TIAM1: variants seen among roughly 807,000 people sequenced by gnomAD.
The protein encoded by TIAM1 is rho guanine nucleotide exchange factor TIAM1.
TIAM1 carries 65 observed loss-of-function variants against 163.5 expected under a neutral mutation model. The observed-to-expected ratio is 0.40, with a 90% CI of 0.33 to 0.49. The LOEUF is 0.49. Among genes scored for constraint, TIAM1 ranks in the 20% least tolerant of loss-of-function variants. The pLI is 0.77. For missense variants in TIAM1, 1,789 were observed against 2,044.7 expected (o/e 0.87, Z 2.41); for synonymous variants, 833 against 810.1 (o/e 1.03, Z -0.48).
intron 2 of TIAM1, among the ~76,000 whole-genome samples, chr21:31,388,820 A>G (rs888573496): frequency 1.3e-5 from 2 of 152,274 alleles, no homozygotes; most frequent in Admixed American, 1.3e-4. Context: ...AAATTAAAAT[A>G]GTAAGCACTC....
chr21:31,515,750 C>T (rs2047358754), intron 1 of TIAM1, among the ~76,000 whole-genome samples: 1 of 152,064 alleles, frequency 6.6e-6, no homozygotes, highest in African/African-American at 2.4e-5. Context: ...TTCCATGGAG[C>T]AAGTGATTTG....
chr21:31,310,690 C>T, intron 2 of TIAM1, among the ~76,000 whole-genome samples: 1 of 152,162 alleles, frequency 6.6e-6, no homozygotes, highest in Non-Finnish European at 1.5e-5. Context: ...ATGGAAAACG[C>T]TACCTACTGC....
intron 14 of TIAM1, 63 bp from the exon 15 acceptor site, chr21:31,182,708 AG>A (rs1230035201): frequency 6.6e-7 from 1 of 1,523,900 alleles, no homozygotes; most frequent in Non-Finnish European, 8.9e-7. Context: ...ACAGCTTAGG[AG>A]CTCTGCTATA....
chr21:31,130,123 G>T, intron 25 of TIAM1, 90 bp downstream of exon 25: 318 of 831,104 alleles, frequency 3.8e-4, no homozygotes, highest in Non-Finnish European at 5.4e-4. Flanking sequence ...GACGGTAGAA[G>T]AGTTAGACCA....
intron 8 of TIAM1, 132 bp from the exon 9 acceptor site, chr21:31,217,831 C>T: frequency 2.0e-6 from 2 of 1,025,438 alleles, no homozygotes; most frequent in Non-Finnish European, 2.8e-6. Context: ...ACCCCAATGC[C>T]TAAAGTATTC....
At chr21:31,543,567 G>C (rs903458408) in intron 1 of TIAM1, among the ~76,000 whole-genome samples, 1 of 152,204 alleles carries the variant, frequency 6.6e-6, no homozygotes, top group Non-Finnish European at 1.5e-5. Context: ...GGAGGAAGCA[G>C]AACATCGAGG....
chr21:31,292,152 C>T (rs555742307), intron 2 of TIAM1, among the ~76,000 whole-genome samples: 3 of 152,278 alleles, frequency 2.0e-5, no homozygotes, highest in African/African-American at 7.2e-5. Context: ...AAACAGGATA[C>T]CTGCCTGCAG....
intron 2 of TIAM1, among the ~76,000 whole-genome samples, chr21:31,379,400 A>G (rs928414995): frequency 6.6e-6 from 1 of 152,196 alleles, no homozygotes; most frequent in African/African-American, 2.4e-5. Flanking sequence ...AATAACATCA[A>G]TGAATAATTT....
chr21:31,525,476 C>T (rs961724619), intron 1 of TIAM1, among the ~76,000 whole-genome samples: 13 of 152,020 alleles, frequency 8.6e-5, no homozygotes, highest in Admixed American at 7.9e-4. Context: ...AAGACCCAAA[C>T]ACCTCTCACT....
chr21:31,340,482 G>A (rs2075979997), intron 1 of TIAM1, among the ~76,000 whole-genome samples: 1 of 152,128 alleles, frequency 6.6e-6, no homozygotes. Flanking sequence ...GCACGAAACT[G>A]CTATGGCAGT....
intron 2 of TIAM1, among the ~76,000 whole-genome samples, chr21:31,400,874 T>A (rs1312937327): frequency 1.3e-5 from 2 of 151,714 alleles, no homozygotes; most frequent in Admixed American, 6.6e-5. Flanking sequence ...GTGGATCACC[T>A]GAGGTCGGCA....
chr21:31,376,522 T>A (rs1431950794), intron 2 of TIAM1, among the ~76,000 whole-genome samples: 1 of 152,192 alleles, frequency 6.6e-6, no homozygotes, highest in Non-Finnish European at 1.5e-5. Flanking sequence ...GGCACGAGAT[T>A]TCCCTAATTG....
At chr21:31,388,607 A>G (rs1429124664) in intron 2 of TIAM1, among the ~76,000 whole-genome samples, 1 of 152,188 alleles carries the variant, frequency 6.6e-6, no homozygotes, top group Non-Finnish European at 1.5e-5. Flanking sequence ...ACAGTAAGCC[A>G]TGATCATGCC....
chr21:31,459,303 T>G (rs1374510491), intron 2 of TIAM1, among the ~76,000 whole-genome samples: 1 of 152,048 alleles, frequency 6.6e-6, no homozygotes, highest in Non-Finnish European at 1.5e-5. Context: ...TCATAGAGAT[T>G]GTCTGGCTAT....
chr21:31,198,758 T>C (rs746476024), intron 12 of TIAM1, among the ~76,000 whole-genome samples: 2 of 152,216 alleles, frequency 1.3e-5, no homozygotes, highest in African/African-American at 4.8e-5. Context: ...ATCTTTCCTA[T>C]ATTTTCATAA....
chr21:31,185,121 TG>T (rs1179063976), intron 14 of TIAM1, among the ~76,000 whole-genome samples: 1 of 150,618 alleles, frequency 6.6e-6, no homozygotes, highest in Non-Finnish European at 1.5e-5. Context: ...CTGGATGTGT[TG>T]ATCTCTGACG....
chr21:31,150,290 C>CA (rs1034063894), intron 19 of TIAM1, among the ~76,000 whole-genome samples: 9 of 152,172 alleles, frequency 5.9e-5, no homozygotes, highest in Non-Finnish European at 8.8e-5. Flanking sequence ...AACACATACA[C>CA]AAAAAAACAT....
intron 2 of TIAM1, among the ~76,000 whole-genome samples, chr21:31,402,783 A>G (rs1333190328): frequency 6.6e-6 from 1 of 151,948 alleles, no homozygotes; most frequent in East Asian, 1.9e-4. Context: ...CCCCGTCTCT[A>G]CTAAAAACAC....
At chr21:31,407,324 T>A in intron 2 of TIAM1, among the ~76,000 whole-genome samples, 1 of 152,314 alleles carries the variant, frequency 6.6e-6, no homozygotes, top group Admixed American at 6.5e-5. Context: ...CCTGGGCTCA[T>A]GGAGCATTTT....
Sources: gnomAD v4.1 joint callset for allele counts (sites outside exome capture counted in the v4.1 genomes callset) on GRCh38, gnomAD v4.1.1 for gene constraint, MANE v1.5 for transcripts, NCBI Gene and HGNC (gene_info 2026-07-23, HGNC 2026-07-21) for gene names.